The following MAP4K3 variants were observed in gnomAD, a reference collection of about 807,000 sequenced individuals.
MAP4K3 encodes the protein mitogen-activated protein kinase kinase kinase kinase 3.
In MAP4K3, 94 loss-of-function variants were observed where a neutral mutation model predicts 143.5. That is an observed-to-expected ratio of 0.65 (90% CI 0.55 to 0.78). The LOEUF is 0.78. MAP4K3 is among the 30% of genes least tolerant of loss of function. MAP4K3 has a pLI of 0.00. For missense variants in MAP4K3, 1,077 were observed against 1,068.1 expected (o/e 1.01, Z -0.12); for synonymous variants, 416 against 347.2 (o/e 1.20, Z -2.20).
At chr2:39,273,395 C>A (rs1416771044) in intron 24 of MAP4K3, among the ~76,000 whole-genome samples, 2 of 152,170 alleles carry the variant, frequency 1.3e-5, no homozygotes, top group African/African-American at 4.8e-5. Context: ...AATTCTGAGG[C>A]AGACTGAAGT....
intron 24 of MAP4K3, among the ~76,000 whole-genome samples, chr2:39,276,590 G>C (rs1231301311): frequency 6.6e-6 from 1 of 152,196 alleles, no homozygotes; most frequent in African/African-American, 2.4e-5. Context: ...CGGTGCTTTA[G>C]TTTTCTCATC....
At chr2:39,402,927 T>G (rs1337537467) in intron 1 of MAP4K3, among the ~76,000 whole-genome samples, 1 of 152,136 alleles carries the variant, frequency 6.6e-6, no homozygotes, top group Non-Finnish European at 1.5e-5. Context: ...ATAAATAATT[T>G]TATGCCATTA....
intron 21 of MAP4K3, chr2:39,283,724 C>G (rs567943795): frequency 1.3e-5 from 2 of 152,144 alleles, no homozygotes; most frequent in Admixed American, 6.5e-5. Flanking sequence ...TGAAGAATGC[C>G]AGATATTTCT....
Position 39,267,187 on chromosome 2 carries a change from A to T in MAP4K3, c.2032+2T>A. On this transcript the variant is annotated splice_donor_variant, in intron 27 of 33. Coordinates refer to ENST00000263881, the MANE Select transcript of MAP4K3 (RefSeq NM_003618.4). LOFTEE classifies it high-confidence loss of function. Reference sequence around the variant, plus strand: ...CTATATGCTATTGGACAGTTTACTTACCAACACAACACTTCTGGCACCATT... The same window carrying T: ...CTATATGCTATTGGACAGTTTACTTTCCAACACAACACTTCTGGCACCATT... The T allele has an allele frequency of 6.2e-7, 1 of 1,613,988 alleles. No individual in the cohort carries two copies.
chr2:39,398,149 G>A (rs1016236375), intron 1 of MAP4K3, among the ~76,000 whole-genome samples: 4 of 152,082 alleles, frequency 2.6e-5, no homozygotes, highest in East Asian at 1.9e-4. Flanking sequence ...AAACCATCAC[G>A]AAACCTACAT....
Position 39,337,534 on chromosome 2 carries a change from T to C in MAP4K3, c.358A>G (p.Thr120Ala). The C allele has an allele frequency of 1.9e-6, 3 of 1,611,288 alleles. No homozygotes were observed. The highest frequency in any genetic ancestry group is 2.5e-6 in the Non-Finnish European group (3 of 1,177,904). The change falls in exon 5 of 34, where the codon ACA (threonine) becomes GCA (alanine). Residue 120 changes from threonine (T) to alanine (A), a missense_variant. Physicochemically the swap from Thr to Ala is moderately conservative, Grantham distance 58. Around this residue, in one of 2 missense-constraint regions of MAP4K3, gnomAD observed 213 missense variants for 266.8 expected, o/e 0.80. Coordinates refer to ENST00000263881, the MANE Select transcript of MAP4K3 (RefSeq NM_003618.4). The part of the protein sequence containing the change: ...ELQIAYVSRE[T>A]LQGLYYLHSK... ...ATTAGCACTTGATTTACCTGCAGTGTTTCTCTGCTAACATATGCAATTTGC... is the reference window on the plus strand; with the variant it reads ...ATTAGCACTTGATTTACCTGCAGTGCTTCTCTGCTAACATATGCAATTTGC...
intron 2 of MAP4K3, among the ~76,000 whole-genome samples, chr2:39,364,516 C>T (rs1665865116): frequency 1.3e-5 from 2 of 152,144 alleles, no homozygotes; most frequent in South Asian, 4.1e-4. Flanking sequence ...ATCCTGAGAA[C>T]ATGTGCCCAA....
intron 6 of MAP4K3, among the ~76,000 whole-genome samples, chr2:39,334,419 C>A (rs1034000817): frequency 1.4e-5 from 2 of 145,834 alleles, no homozygotes; most frequent in Non-Finnish European, 3.0e-5. Flanking sequence ...CAGTAAAAGA[C>A]TGGCACAGGA....
chr2:39,295,592 A>G (rs1039636455), intron 16 of MAP4K3, among the ~76,000 whole-genome samples: 7 of 152,084 alleles, frequency 4.6e-5, no homozygotes, highest in Non-Finnish European at 1.0e-4. Flanking sequence ...CTTTTTTGTT[A>G]AGCACATGAC....
chr2:39,423,950 A>AT (rs1001837203), intron 1 of MAP4K3, among the ~76,000 whole-genome samples: 133 of 149,192 alleles, frequency 8.9e-4, no homozygotes, highest in African/African-American at 2.6e-3. Flanking sequence ...TGGTTCATCA[A>AT]TTTTTTTTTT....
intron 16 of MAP4K3, among the ~76,000 whole-genome samples, chr2:39,295,503 T>TAA (rs1235915554): frequency 6.6e-6 from 1 of 152,094 alleles, no homozygotes; most frequent in East Asian, 1.9e-4. Flanking sequence ...AGTGCTGCTT[T>TAA]AAACTATTTT....
At chr2:39,264,784 T>A (rs564789028) in intron 28 of MAP4K3, among the ~76,000 whole-genome samples, 1 of 152,214 alleles carries the variant, frequency 6.6e-6, no homozygotes, top group Non-Finnish European at 1.5e-5. Flanking sequence ...GGTAAATTAA[T>A]GGGTGGGTAT....
chr2:39,333,201 A>G (rs1488387727), intron 7 of MAP4K3, among the ~76,000 whole-genome samples: 2 of 152,164 alleles, frequency 1.3e-5, no homozygotes, highest in South Asian at 2.1e-4. Context: ...TGATTTTTTG[A>G]TATTTGTCTT....
rs938313401 is a variant in MAP4K3 at position 39,292,768 on chromosome 2, C to A, written c.1271+5G>T. On this transcript the variant is annotated splice_donor_5th_base_variant and intron_variant, in intron 18 of 33. Coordinates refer to ENST00000263881, the MANE Select transcript of MAP4K3 (RefSeq NM_003618.4). The stretch of plus-strand genomic sequence containing the variant: ...CTTTTTACCAAAAACAGAGACAGAA[C>A]TTACTGTTTAGATTCATCATCATCT... 15 of 1,611,446 alleles carry A rather than the reference C, an allele frequency of 9.3e-6. No individual in the cohort carries two copies. The highest frequency in any genetic ancestry group is 1.3e-5 in the Non-Finnish European group (15 of 1,177,988).
intron 2 of MAP4K3, among the ~76,000 whole-genome samples, chr2:39,365,601 C>T (rs895085741): frequency 6.6e-6 from 1 of 150,862 alleles, no homozygotes; most frequent in African/African-American, 2.4e-5. Flanking sequence ...CCCGCCACCG[C>T]GCCCGGCTAA....
At chr2:39,424,749 T>C (rs2148631833) in intron 1 of MAP4K3, among the ~76,000 whole-genome samples, 1 of 149,328 alleles carries the variant, frequency 6.7e-6, no homozygotes, top group East Asian at 2.0e-4. Context: ...GAGAATCACT[T>C]GAGCCCAGGA....
At chr2:39,302,155 T>C (rs1325044642) in intron 15 of MAP4K3, among the ~76,000 whole-genome samples, 1 of 152,226 alleles carries the variant, frequency 6.6e-6, no homozygotes, top group East Asian at 1.9e-4. Context: ...CATAGGCTCA[T>C]ATAGAGAATA....
chr2:39,398,004 G>C (rs1666854593), intron 1 of MAP4K3, among the ~76,000 whole-genome samples: 1 of 151,816 alleles, frequency 6.6e-6, no homozygotes, highest in African/African-American at 2.4e-5. Context: ...AGGGAAAGGG[G>C]GGGCATTCCA....
intron 23 of MAP4K3, among the ~76,000 whole-genome samples, chr2:39,278,801 G>T (rs962911349): frequency 9.9e-5 from 15 of 152,102 alleles, no homozygotes; most frequent in African/African-American, 3.6e-4. Flanking sequence ...ACCCCCTAAA[G>T]ACAGGATCAT....
Sources: allele counts gnomAD v4.1 joint callset (sites outside exome capture counted in the v4.1 genomes callset), GRCh38; gene constraint gnomAD v4.1.1; regional missense constraint gnomAD v4.1.1; transcripts MANE v1.5; gene names NCBI Gene and HGNC (gene_info 2026-07-23, HGNC 2026-07-21).